The following ACOT11 variants were observed in gnomAD, a reference collection of about 807,000 sequenced individuals.
ACOT11 encodes the protein acyl-coenzyme A thioesterase 11.
In ACOT11, 69 loss-of-function variants were observed where a neutral mutation model predicts 77.5. The ratio of observed to expected loss-of-function variants is 0.89; its 90% CI spans 0.73 to 1.09. ACOT11 has a LOEUF of 1.09. ACOT11 is among the 50% of genes least tolerant of loss of function. ACOT11 has a pLI of 0.00. For synonymous variants in ACOT11, 279 were observed against 313.0 expected (o/e 0.89, Z 1.15); for missense variants, 766 against 813.7 (o/e 0.94, Z 0.71).
chr1:54,637,534 G>T (rs1198686493), exon 17 of ACOT11: 1 of 152,378 alleles, frequency 6.6e-6, no homozygotes, highest in Non-Finnish European at 1.5e-5. Context: ...TGTAATCCCA[G>T]CACTTTGGGA....
intron 1 of ACOT11, among the ~76,000 whole-genome samples, chr1:54,578,746 G>A (rs1654198648): frequency 6.6e-6 from 1 of 151,932 alleles, no homozygotes; most frequent in Non-Finnish European, 1.5e-5. Flanking sequence ...TGTGGTATTA[G>A]TGAAAGAAGC....
chr1:54,632,226 C>A (rs1244121329), intron 16 of ACOT11, among the ~76,000 whole-genome samples: 1 of 152,180 alleles, frequency 6.6e-6, no homozygotes, highest in Non-Finnish European at 1.5e-5. Flanking sequence ...GGGGCCCGTC[C>A]CGGGCCCCGC....
intron 1 of ACOT11, among the ~76,000 whole-genome samples, chr1:54,562,615 C>T (rs1653573080): frequency 6.9e-6 from 1 of 145,574 alleles, no homozygotes; most frequent in African/African-American, 2.5e-5. Flanking sequence ...TCAGATGGGG[C>T]AGCTGCCGGG....
chr1:54,561,511 C>G (rs1653484435), intron 1 of ACOT11, among the ~76,000 whole-genome samples: 1 of 111,464 alleles, frequency 9.0e-6, no homozygotes, highest in Non-Finnish European at 1.8e-5. Flanking sequence ...TCTTTCTACA[C>G]AGACACGGCA....
downstream of ACOT11, among the ~76,000 whole-genome samples, chr1:54,612,149 G>T (rs144774285): frequency 1.1e-4 from 17 of 151,922 alleles, no homozygotes; most frequent in African/African-American, 3.6e-4. Context: ...TTCCTATAGG[G>T]CTATCCTAGG....
chr1:54,616,260 C>G, intron 15 of ACOT11: 2 of 1,181,290 alleles, frequency 1.7e-6, no homozygotes, highest in South Asian at 3.0e-5. Flanking sequence ...AATTACAGAA[C>G]ATTTGAGAAA....
intron 15 of ACOT11, among the ~76,000 whole-genome samples, chr1:54,617,709 ATTTTTTTTTTTTTTTTTTTT>A (rs56229276): frequency 9.0e-5 from 5 of 55,768 alleles, no homozygotes; most frequent in African/African-American, 1.5e-4. Flanking sequence ...AGGGCCTGAG[ATTTTTTTTTTTTTTTTTTTT>A]TTTTTTTTTT....
chr1:54,551,158 A>C (rs1022552602), intron 1 of ACOT11, among the ~76,000 whole-genome samples: 4 of 151,518 alleles, frequency 2.6e-5, no homozygotes, highest in South Asian at 2.1e-4. Flanking sequence ...AAGAAAAAAA[A>C]CCAGCAACAG....
rs574227271 is a variant in ACOT11 at position 54,586,855 on chromosome 1, G to A, written c.311+951G>A. On this transcript the variant is annotated intron_variant, in intron 3 of 15. Transcript: ENST00000343744. The stretch of plus-strand genomic sequence containing the variant: ...CCTGCTTCTGGGATCCAAGGAGCAG[G>A]CTGAGCCCTCAGCCCAGGACAGGCT... 4.6e-5 allele frequency among the ~76,000 whole-genome samples: 7 copies of A among 152,244 alleles called. No homozygotes were observed. The South Asian group carries it at 1.5e-3, about 32-fold the overall frequency.
chr1:54,615,894 G>A (rs1309600470), intron 15 of ACOT11: 8 of 968,922 alleles, frequency 8.3e-6, no homozygotes, highest in Non-Finnish European at 1.1e-5. Context: ...ACATTGTGAT[G>A]AGAAAGCCAA....
chr1:54,548,989 A>G (rs971452634), intron 1 of ACOT11, among the ~76,000 whole-genome samples: 3 of 152,216 alleles, frequency 2.0e-5, no homozygotes, highest in Non-Finnish European at 4.4e-5. Flanking sequence ...AGATGGGCTC[A>G]GGACAGACTG....
chr1:54,593,464 T>G (rs1439908010), intron 4 of ACOT11, among the ~76,000 whole-genome samples: 1 of 147,828 alleles, frequency 6.8e-6, no homozygotes, highest in Admixed American at 6.7e-5. Context: ...TGTGGTTTTT[T>G]TTTTTTTTTT....
At chr1:54,585,645 A>ATT in intron 2 of ACOT11, among the ~76,000 whole-genome samples, 190 bp from the exon 3 acceptor site, 1 of 152,202 alleles carries the variant, frequency 6.6e-6, no homozygotes, top group Admixed American at 6.5e-5. Context: ...ACAGACGAAA[A>ATT]GCAGATATAC....
intron 1 of ACOT11, among the ~76,000 whole-genome samples, chr1:54,558,722 T>G (rs1344076080): frequency 6.6e-6 from 1 of 151,618 alleles, no homozygotes; most frequent in Non-Finnish European, 1.5e-5. Context: ...CCACTTGGAG[T>G]GGAGGGAGCA....
chr1:54,594,822 C>T (rs559040547), intron 6 of ACOT11, 131 bp downstream of exon 6: 1 of 1,283,528 alleles, frequency 7.8e-7, no homozygotes, highest in African/African-American at 1.5e-5. Context: ...CCCTGGGCCT[C>T]TCCTAGCCCT....
chr1:54,552,815 G>GTTTGTTTTTGT (rs1653115601), intron 1 of ACOT11, among the ~76,000 whole-genome samples: 1 of 125,358 alleles, frequency 8.0e-6, no homozygotes, highest in Non-Finnish European at 1.7e-5. Flanking sequence ...TGTTGTTGTT[G>GTTTGTTTTTGT]TTTGTTTTTG....
chr1:54,553,544 G>A (rs576293454), intron 1 of ACOT11, among the ~76,000 whole-genome samples: 2 of 151,600 alleles, frequency 1.3e-5, no homozygotes, highest in African/African-American at 2.4e-5. Flanking sequence ...TTTGAAGTAC[G>A]TATACATTAT....
chr1:54,583,378 A>G (rs964832920), intron 1 of ACOT11, among the ~76,000 whole-genome samples: 1 of 152,042 alleles, frequency 6.6e-6, no homozygotes, highest in African/African-American at 2.4e-5. Flanking sequence ...AAATTGAATT[A>G]GCTATGGGAG....
intron 4 of ACOT11, 75 bp from the exon 5 acceptor site, chr1:54,593,866 G>A: frequency 7.8e-7 from 1 of 1,281,200 alleles, no homozygotes; most frequent in East Asian, 2.3e-5. Context: ...CTTGCTGTCT[G>A]GTGGAGCTGC....
Sources: allele counts gnomAD v4.1 joint callset (sites outside exome capture counted in the v4.1 genomes callset), GRCh38; gene constraint gnomAD v4.1.1; transcripts MANE v1.5; gene names NCBI Gene and HGNC (gene_info 2026-07-23, HGNC 2026-07-21).